MORN5: variants seen among roughly 807,000 people sequenced by gnomAD.
The protein encoded by MORN5 is MORN repeat containing 5.
MORN5 carries 21 observed loss-of-function variants against 22.1 expected under a neutral mutation model. The observed-to-expected ratio is 0.95, with a 90% CI of 0.67 to 1.37. MORN5 has a LOEUF of 1.37. Among genes scored for constraint, MORN5 ranks in the 40% most tolerant of loss-of-function variants. The pLI is 0.00. For synonymous variants in MORN5, 73 were observed against 74.0 expected, an observed-to-expected ratio of 0.99 and a Z score of 0.07; for missense variants, 211 against 215.1, an observed-to-expected ratio of 0.98 and a Z score of 0.12.
chr9:122,164,147 T>G (rs1033742092), intron 1 of MORN5, among the ~76,000 whole-genome samples: 2 of 152,134 alleles, frequency 1.3e-5, no homozygotes, highest in African/African-American at 4.8e-5. Flanking sequence ...TTACTTTGAA[T>G]TTAGAAGGCA....
intron 1 of MORN5, among the ~76,000 whole-genome samples, chr9:122,161,330 C>T (rs1829195629): frequency 6.6e-6 from 1 of 152,138 alleles, no homozygotes; most frequent in Admixed American, 6.5e-5. Flanking sequence ...TGCTATCTCT[C>T]TAATCATTAC....
At chr9:122,185,452 T>G (rs1391909778) in intron 4 of MORN5, among the ~76,000 whole-genome samples, 1 of 144,128 alleles carries the variant, frequency 6.9e-6, no homozygotes, top group Non-Finnish European at 1.5e-5. Flanking sequence ...GGTCTCGATC[T>G]CCTGACCTCG....
At chr9:122,199,419 GGT>G (rs1829964077) in intron 4 of MORN5, among the ~76,000 whole-genome samples, 2 of 152,134 alleles carry the variant, frequency 1.3e-5, no homozygotes, top group Non-Finnish European at 2.9e-5. Context: ...TAAACAAGAG[GGT>G]GTTAGTCCCC....
At position 122,160,005 on chromosome 9, in the gene MORN5, A is replaced by G. The variant is rs775648008; in HGVS notation, c.33A>G (p.Glu11=). Residue 11 remains glutamate (E), a synonymous_variant, in exon 1 of 5, where the codon GAA becomes GAG. Coordinates refer to ENST00000373764, the MANE Select transcript of MORN5 (RefSeq NM_198469.4). ...ACACAGGGAGCAAATATATCGGGGA[A>G]TATGTAGATGGGAGGTAAGGGGCTC... MEYTGSKYIG[E]YVDGRMEGKA... is the part of the protein sequence containing the mutation. 3.1e-6 allele frequency: 5 copies of G among 1,613,892 alleles called. No homozygotes were observed. Among genetic ancestry groups the G allele is most frequent in the Non-Finnish European group, 3.4e-6 (4 of 1,179,896 alleles).
chr9:122,180,336 A>T (rs1205223704), intron 4 of MORN5, among the ~76,000 whole-genome samples: 1 of 125,274 alleles, frequency 8.0e-6, no homozygotes, highest in Non-Finnish European at 1.6e-5. Context: ...CCTAGGCTGG[A>T]GTGCAGTGGT....
intron 2 of MORN5, 114 bp downstream of exon 2, chr9:122,167,029 C>T (rs1829296055): frequency 4.3e-6 from 4 of 919,666 alleles, no homozygotes; most frequent in Non-Finnish European, 6.2e-6. Context: ...ATTCACTCTT[C>T]TCTTTGCTTC....
At chr9:122,174,743 G>A (rs766721315) in intron 4 of MORN5, 116 bp downstream of exon 4, 3 of 1,594,494 alleles carry the variant, frequency 1.9e-6, no homozygotes, top group Non-Finnish European at 2.6e-6. Flanking sequence ...GCTGATAGAA[G>A]ATGAAAGTTG....
chr9:122,199,818 A>G, intron 4 of MORN5, 67 bp from the exon 5 acceptor site: 1 of 1,530,278 alleles, frequency 6.5e-7, no homozygotes, highest in Middle Eastern at 1.7e-4. Context: ...CCACCTGGGG[A>G]ACCCCCCAGG....
At position 122,176,612 on chromosome 9, in the gene MORN5, G is replaced by A. The variant is rs528780144; in HGVS notation, c.439+1985G>A. Reference sequence around the variant, plus strand: ...AAATGGAAAGAGGCAGGACGCCGTGGCTCATGCCTGTAATCCCAGCACTTT... The same window carrying A: ...AAATGGAAAGAGGCAGGACGCCGTGACTCATGCCTGTAATCCCAGCACTTT... On this transcript the variant is annotated intron_variant, in intron 4 of 4. Transcript: ENST00000373764. 3.2e-4 allele frequency among the ~76,000 whole-genome samples: 48 copies of A among 152,330 alleles called. 1 individual carries two copies. In the East Asian group the frequency reaches 6.4e-3, roughly 20 times the overall value.
Position 122,182,300 on chromosome 9 carries a change from T to C in MORN5, c.439+7673T>C, listed in dbSNP as rs12343747. 7.6e-3 allele frequency among the ~76,000 whole-genome samples: 1,151 copies of C among 152,340 alleles called. 12 individuals are homozygous for C. The highest frequency in any genetic ancestry group is 0.027 in the African/African-American group (1,122 of 41,572). On this transcript the variant is annotated intron_variant, in intron 4 of 4. Coordinates refer to ENST00000373764, the MANE Select transcript of MORN5 (RefSeq NM_198469.4). ...TTTTCTCCGCCCATCTCAGTCCTCC[T>C]CATCTGTCAATGCTTAGCACATAAC...
At chr9:122,192,001 T>C (rs1434126001) in intron 4 of MORN5, among the ~76,000 whole-genome samples, 1 of 152,226 alleles carries the variant, frequency 6.6e-6, no homozygotes, top group Non-Finnish European at 1.5e-5. Context: ...CTTCCATTCC[T>C]GGGTGCCCAC....
rs569516160 is a variant in MORN5 at position 122,170,903 on chromosome 9, C to T, written c.307+1147C>T. Among the ~76,000 whole-genome samples the T allele has an allele frequency of 3.9e-5, 6 of 152,166 alleles. No individual in the cohort carries two copies. In the East Asian group the frequency reaches 1.2e-3, roughly 29 times the overall value. ...ATGACAGGTTGATGGGTGCAGCAAACCACCATGGCACGTGTATACCTATGT... is the reference window on the plus strand; with the variant it reads ...ATGACAGGTTGATGGGTGCAGCAAATCACCATGGCACGTGTATACCTATGT... On this transcript the variant is annotated intron_variant, in intron 3 of 4. Transcript: ENST00000373764.
At chr9:122,182,104 G>A (rs1020607512) in intron 4 of MORN5, among the ~76,000 whole-genome samples, 1 of 152,158 alleles carries the variant, frequency 6.6e-6, no homozygotes, top group Non-Finnish European at 1.5e-5. Flanking sequence ...CTTGATTATG[G>A]CATTCAGAGC....
chr9:122,160,781 AT>A (rs1424157531), intron 1 of MORN5, among the ~76,000 whole-genome samples: 1 of 151,346 alleles, frequency 6.6e-6, no homozygotes, highest in African/African-American at 2.4e-5. Flanking sequence ...CCCCCAGCAA[AT>A]TTTTCAACGC....
intron 1 of MORN5, among the ~76,000 whole-genome samples, chr9:122,163,031 AC>A (rs1291355930): frequency 7.3e-6 from 1 of 136,300 alleles, no homozygotes; most frequent in Non-Finnish European, 1.5e-5. Flanking sequence ...ATTTCCCTGT[AC>A]CACGTGTGAA....
chr9:122,168,080 T>C (rs1299935642), intron 2 of MORN5, among the ~76,000 whole-genome samples: 6 of 152,222 alleles, frequency 3.9e-5, no homozygotes, highest in African/African-American at 1.2e-4. Flanking sequence ...TTTAATTGCA[T>C]CTGCAAAATC....
intron 4 of MORN5, among the ~76,000 whole-genome samples, chr9:122,183,507 T>C (rs1829566768): frequency 6.6e-6 from 1 of 152,196 alleles, no homozygotes; most frequent in Admixed American, 6.5e-5. Flanking sequence ...TTTTAACATA[T>C]ACAACTAACA....
chr9:122,164,020 G>A (rs1410111648), intron 1 of MORN5, among the ~76,000 whole-genome samples: 3 of 152,128 alleles, frequency 2.0e-5, no homozygotes, highest in Non-Finnish European at 2.9e-5. Flanking sequence ...CAGTAGCTGG[G>A]ACCACAGATA....
At chr9:122,186,548 T>A (rs1829642207) in intron 4 of MORN5, among the ~76,000 whole-genome samples, 1 of 152,130 alleles carries the variant, frequency 6.6e-6, no homozygotes, top group East Asian at 1.9e-4. Flanking sequence ...AATAACAGCC[T>A]ACCCAGCTTG....
Sources: allele counts gnomAD v4.1 joint callset (sites outside exome capture counted in the v4.1 genomes callset), GRCh38; gene constraint gnomAD v4.1.1; transcripts MANE v1.5; gene names NCBI Gene and HGNC (gene_info 2026-07-23, HGNC 2026-07-21).